Variants in RNPC3 observed in about 807,000 individuals in gnomAD.
RNPC3 encodes the protein RNA binding region (RNP1, RRM) containing 3.
Under a neutral mutation model 67.5 loss-of-function variants are expected in RNPC3, and 48 were observed. The observed-to-expected ratio is 0.71, with a 90% CI of 0.56 to 0.90. The LOEUF (loss-of-function observed/expected upper bound fraction) is 0.90. Ranked by LOEUF, RNPC3 falls within the 40% of genes least tolerant of loss-of-function variation. The pLI is 0.00. For missense variants in RNPC3, 637 were observed against 626.1 expected, an observed-to-expected ratio of 1.02 and a Z score of -0.19; for synonymous variants, 239 against 210.3, an observed-to-expected ratio of 1.14 and a Z score of -1.18.
chr1:103,545,265 C>T (rs1204973425), intron 10 of RNPC3, 163 bp downstream of exon 10: 1 of 556,834 alleles, frequency 1.8e-6, no homozygotes, highest in African/African-American at 2.0e-5. Context: ...TTTTTAAATA[C>T]TCATACTTTA....
At chr1:103,544,897 A>C in intron 9 of RNPC3, 44 bp from the exon 10 acceptor site, 1 of 1,317,162 alleles carries the variant, frequency 7.6e-7, no homozygotes, top group Non-Finnish European at 1.0e-6. Context: ...AACTATTTTT[A>C]AAGGAGAGAT....
Position 103,527,636 on chromosome 1 carries a change from T to G in RNPC3, c.193-59T>G, listed in dbSNP as rs1650751605. The G allele has an allele frequency of 3.0e-6, 4 of 1,336,160 alleles. No homozygotes were observed. The South Asian group carries it at 5.1e-5, about 17-fold the overall frequency. The allele number at this position is 1,336,160 out of a possible 1,614,324, so 82.8% of individuals were successfully genotyped here. The stretch of plus-strand genomic sequence containing the variant: ...ATTACTCCACTGGTAAAAAGTCAGA[T>G]TTCTTTGTGAGAAACTGAAATTATA... On this transcript the variant is annotated intron_variant, in intron 1 of 14. Transcript: ENST00000423855.
chr1:103,535,490 ACTTT>A, intron 5 of RNPC3, 49 bp downstream of exon 5: 1 of 1,148,462 alleles, frequency 8.7e-7, no homozygotes, highest in Non-Finnish European at 1.2e-6. Context: ...ATAGCTTGAT[ACTTT>A]ATTTTTCATG....
At chr1:103,536,914 A>G (rs1651000575) in intron 6 of RNPC3, among the ~76,000 whole-genome samples, 1 of 152,172 alleles carries the variant, frequency 6.6e-6, no homozygotes, top group African/African-American at 2.4e-5. Flanking sequence ...TGGTTATGTC[A>G]GATCCTTTCC....
chr1:103,551,699 A>G, intron 13 of RNPC3, 22 bp from the exon 14 acceptor site: 1 of 1,464,880 alleles, frequency 6.8e-7, no homozygotes, highest in Non-Finnish European at 9.3e-7. Flanking sequence ...TCATGAAGGA[A>G]ACCTTAATTT....
chr1:103,547,054 C>T lies in RNPC3; in HGVS notation c.1361+19C>T, dbSNP rs1017734826. The T allele has an allele frequency of 1.5e-6, 2 of 1,367,346 alleles. No homozygotes were observed. The highest frequency in any genetic ancestry group is 2.6e-5 in the East Asian group (1 of 38,590). 84.7% of individuals were successfully genotyped at this position (1,367,346 alleles called of 1,614,324 possible). A position where few individuals can be genotyped will look rare whatever the true frequency, so the allele number is the denominator to read the frequency against. On this transcript the variant is annotated intron_variant, in intron 12 of 14. Transcript: ENST00000423855. ...GGATCATGTAAGTGACAGTAAAATA[C>T]AATCTTCAATTATATTTTGTTTTTA...
At position 103,551,743 on chromosome 1, in the gene RNPC3, CA is replaced by C. The variant is rs1365031641; in HGVS notation, c.1521del (p.Lys507AsnfsTer14). 2.0e-6 allele frequency: 3 copies of C among 1,531,456 alleles called. No homozygotes were observed. The highest frequency in any genetic ancestry group is 2.6e-6 in the Non-Finnish European group (3 of 1,135,448). The allele number at this position is 1,531,456 out of a possible 1,614,324, so 94.9% of individuals were successfully genotyped here. Reference protein sequence around the residue: ...MVVQFARSARPKQDPKEGKRK... With the variant: ...MVVQFARSARXKQDPKEGKRK... ...TAGCAGTTTGCTCGATCTGCTAGAC[CA>C]AAACAAGATCCTAAGGAAGGAAAAA... On this transcript the variant is annotated frameshift_variant, in exon 14 of 15. Coordinates refer to ENST00000423855, the MANE Select transcript of RNPC3 (RefSeq NM_017619.4). LOFTEE classifies it high-confidence loss of function.
Position 103,541,426 on chromosome 1 carries a change from A to C in RNPC3, c.844A>C (p.Lys282Gln). 1 of 1,494,248 alleles carries C rather than the reference A, an allele frequency of 6.7e-7. No homozygotes were observed. Among genetic ancestry groups the C allele is most frequent in the Non-Finnish European group, 8.8e-7 (1 of 1,133,292 alleles). The allele number at this position is 1,494,248 out of a possible 1,614,324, so 92.6% of individuals were successfully genotyped here. The change falls in exon 8 of 15, where the codon AAG (lysine) becomes CAG (glutamine). Residue 282 changes from lysine to glutamine, a missense_variant. Physicochemically the swap from Lys to Gln is moderately conservative, Grantham distance 53. This residue lies in a region of RNPC3 where 536 missense variants were observed against 500.3 expected (regional missense o/e 1.07). Transcript: ENST00000423855. Reference protein sequence around the residue: ...KTIKQRHVRKKRKIKDMLNTP... With the variant: ...KTIKQRHVRKQRKIKDMLNTP... The stretch of plus-strand genomic sequence containing the variant: ...AATAAAGCAGCGCCATGTGAGAAAA[A>C]AGAGAAAAATAAAGGATATGTTGAA...
At chr1:103,529,319 G>C (rs941719415) in intron 2 of RNPC3, among the ~76,000 whole-genome samples, 2 of 152,070 alleles carry the variant, frequency 1.3e-5, no homozygotes, top group African/African-American at 4.8e-5. Flanking sequence ...ATAAAGTATG[G>C]TAATGAAAAA....
At chr1:103,537,588 G>A (rs1408236343) in intron 7 of RNPC3, 104 bp downstream of exon 7, 1 of 956,826 alleles carries the variant, frequency 1.0e-6, no homozygotes, top group Non-Finnish European at 1.5e-6. Context: ...AATAGTTTGG[G>A]GTGATTAGAA....
chr1:103,543,438 A>G lies in RNPC3; in HGVS notation c.1036A>G (p.Lys346Glu), dbSNP rs1451029920. Residue 346 changes from lysine (K) to glutamate (E), a missense_variant, in exon 9 of 15, where the codon AAA becomes GAA. Lys to Glu is a moderately conservative substitution (Grantham distance 56, BLOSUM62 1). Around this residue, in one of 3 missense-constraint regions of RNPC3, gnomAD observed 536 missense variants for 500.3 expected, o/e 1.07. Coordinates refer to ENST00000423855, the MANE Select transcript of RNPC3 (RefSeq NM_017619.4). The stretch of plus-strand genomic sequence containing the variant: ...AGAAAAGGAACAAAATTGTGAGGAA[A>G]AAAATCATGGTAAGGATATTCTAGT... The part of the protein sequence containing the change: ...DLEKEQNCEE[K>E]NHDLPATEVD... The G allele has an allele frequency of 5.3e-6, 8 of 1,507,248 alleles. No homozygotes were observed. The East Asian group carries it at 1.0e-4, about 19-fold the overall frequency. The allele number at this position is 1,507,248 out of a possible 1,614,324, so 93.4% of individuals were successfully genotyped here. A position where few individuals can be genotyped will look rare whatever the true frequency, so the allele number is the denominator to read the frequency against.
In RNPC3 at chr1:103,545,033, G is replaced by C; in HGVS notation, c.1138G>C (p.Asp380His). 1 of 1,534,610 alleles carries C rather than the reference G, an allele frequency of 6.5e-7. No homozygotes were observed. Among genetic ancestry groups the C allele is most frequent in the Non-Finnish European group, 8.7e-7 (1 of 1,145,232 alleles). ...GGACATCACAGAGGAGATTAAAGAA[G>C]ACTCTGATGAAATGCCTTCAGAATG... is the stretch of plus-strand genomic sequence containing the variant. ...NLDITEEIKE[D>H]SDEMPSECIS... Residue 380 changes from aspartate to histidine, a missense_variant, in exon 10 of 15, where the codon GAC becomes CAC. Asp to His is a moderately conservative substitution (Grantham distance 81). Around this residue, in one of 3 missense-constraint regions of RNPC3, gnomAD observed 536 missense variants for 500.3 expected, o/e 1.07. Coordinates refer to ENST00000423855, the MANE Select transcript of RNPC3 (RefSeq NM_017619.4).
chr1:103,536,849 C>G (rs1230888037), intron 6 of RNPC3, among the ~76,000 whole-genome samples: 1 of 151,842 alleles, frequency 6.6e-6, no homozygotes, highest in African/African-American at 2.4e-5. Flanking sequence ...TAAGGTTATA[C>G]TAGCTGCTGT....
intron 2 of RNPC3, among the ~76,000 whole-genome samples, chr1:103,528,447 CAGTA>C (rs1161520658): frequency 2.0e-5 from 3 of 152,006 alleles, no homozygotes; most frequent in Non-Finnish European, 2.9e-5. Context: ...CTGAAGAAGA[CAGTA>C]AGAAGACAAA....
intron 12 of RNPC3, 78 bp from the exon 13 acceptor site, chr1:103,550,863 A>G (rs1451300868): frequency 1.9e-5 from 27 of 1,440,442 alleles, no homozygotes; most frequent in South Asian, 2.4e-5. Context: ...TGAAATAGCA[A>G]AATGTTAGAT....
chr1:103,552,853 T>C (rs967637957), intron 14 of RNPC3: 1 of 152,212 alleles, frequency 6.6e-6, no homozygotes, highest in Non-Finnish European at 1.5e-5. Context: ...ATATTTTTTG[T>C]CTTTAAAACA....
At position 103,526,113 on chromosome 1, in the gene RNPC3, A is replaced by C. The variant is rs766434992; in HGVS notation, c.43A>C (p.Thr15Pro). 11 of 1,550,868 alleles carry C rather than the reference A, an allele frequency of 7.1e-6. No homozygotes were observed. The highest frequency in any genetic ancestry group is 9.6e-6 in the Non-Finnish European group (11 of 1,146,504). ...EQPLAISRGC[T>P]SSSSLSPPRG... ...GCCGCTTGCGATATCAAGGGGATGC[A>C]CGAGCTCCTCCTCGCTTTCCCCGCC... Residue 15 changes from threonine (T) to proline (P), a missense_variant, in exon 1 of 15, where the codon ACG becomes CCG. Physicochemically the swap from Thr to Pro is conservative, Grantham distance 38 (BLOSUM62 -1). Coordinates refer to ENST00000423855, the MANE Select transcript of RNPC3 (RefSeq NM_017619.4).
intron 2 of RNPC3, among the ~76,000 whole-genome samples, chr1:103,529,539 A>G (rs143175458): frequency 6.6e-6 from 1 of 152,178 alleles, no homozygotes; most frequent in African/African-American, 2.4e-5. Flanking sequence ...TAGCCGAGTC[A>G]GGTAGGAGGA....
At chr1:103,530,887 T>C in intron 2 of RNPC3, among the ~76,000 whole-genome samples, 1 of 152,180 alleles carries the variant, frequency 6.6e-6, no homozygotes, top group East Asian at 1.9e-4. Flanking sequence ...AGGTGGTGTT[T>C]AGTTACATGA....
Sources: gnomAD v4.1 joint callset for allele counts (sites outside exome capture counted in the v4.1 genomes callset) on GRCh38, gnomAD v4.1.1 for gene constraint, gnomAD v4.1.1 regional missense constraint, MANE v1.5 for transcripts, NCBI Gene and HGNC (gene_info 2026-07-23, HGNC 2026-07-21) for gene names.